Variants in SLC25A24 observed in about 807,000 individuals in gnomAD.
SLC25A24 encodes solute carrier family 25 member 24.
SLC25A24 carries 49 observed loss-of-function variants against 60.7 expected under a neutral mutation model. That is an observed-to-expected ratio of 0.81 (90% CI 0.64 to 1.02). The LOEUF is 1.02. Among genes scored for constraint, SLC25A24 ranks in the 50% least tolerant of loss-of-function variants. The pLI is 0.00. For missense variants in SLC25A24, 564 were observed against 586.3 expected, an observed-to-expected ratio of 0.96 and a Z score of 0.39; for synonymous variants, 202 against 200.6, an observed-to-expected ratio of 1.01 and a Z score of -0.06.
chr1:108,150,914 C>T (rs1156354829), intron 6 of SLC25A24, among the ~76,000 whole-genome samples: 18 of 151,916 alleles, frequency 1.2e-4, no homozygotes, highest in Admixed American at 1.1e-3. Context: ...AAAATCCTCC[C>T]TCCAGGCCAG....
intron 3 of SLC25A24, among the ~76,000 whole-genome samples, chr1:108,172,340 G>C (rs1326867979): frequency 6.6e-6 from 1 of 152,060 alleles, no homozygotes; most frequent in African/African-American, 2.4e-5. Context: ...TGTTTTAAAC[G>C]AACACCTGAG....
Position 108,135,825 on chromosome 1 carries a change from C to T in SLC25A24, c.*828G>A, listed in dbSNP as rs967942013. ...TCCCAAGAAGTCTTCCTGACTAAAA[C>T]GGAATCTGATTCAAAAGGTAGGAAA... On this transcript the variant is annotated 3_prime_UTR_variant, in exon 10 of 10. Transcript: ENST00000565488. 2 of 152,534 alleles carry T rather than the reference C, an allele frequency of 1.3e-5. No homozygotes were observed. Among genetic ancestry groups the T allele is most frequent in the Non-Finnish European group, 2.9e-5 (2 of 68,020 alleles). The allele number at this position is 152,534 out of a possible 1,614,324, so 9.4% of individuals were successfully genotyped here. A position where few individuals can be genotyped will look rare whatever the true frequency, so the allele number is the denominator to read the frequency against.
intron 9 of SLC25A24, among the ~76,000 whole-genome samples, chr1:108,138,310 TG>T (rs200224420): frequency 6.6e-6 from 1 of 152,186 alleles, no homozygotes; most frequent in East Asian, 1.9e-4. Flanking sequence ...CTGGGGTTGC[TG>T]TGGCTGGCAC....
intron 7 of SLC25A24, among the ~76,000 whole-genome samples, chr1:108,145,868 T>C (rs185566210): frequency 1.3e-5 from 2 of 152,312 alleles, no homozygotes; most frequent in East Asian, 1.9e-4. Flanking sequence ...TTGCTTAGGA[T>C]TGTCTTGGCT....
chr1:108,150,032 A>G (rs1325629986), intron 6 of SLC25A24, among the ~76,000 whole-genome samples: 1 of 152,194 alleles, frequency 6.6e-6, no homozygotes, highest in Non-Finnish European at 1.5e-5. Context: ...AGTGTTACAT[A>G]AAACTCCTCT....
rs1369577676 is a variant in SLC25A24 at position 108,161,261 on chromosome 1, C to T, written c.431G>A (p.Trp144Ter). The T allele has an allele frequency of 6.2e-7, 1 of 1,600,708 alleles. No homozygotes were observed. Among genetic ancestry groups the T allele is most frequent in the Admixed American group, 1.7e-5 (1 of 59,762 alleles). ...IDVDGTMTVD[W>*]NEWRDYFLFN... ...TAAGAAGTAGTCTCTCCATTCATTCCAGTCCACTGTCATTGTCCCATCAAC... is the reference window on the plus strand; with the variant it reads ...TAAGAAGTAGTCTCTCCATTCATTCTAGTCCACTGTCATTGTCCCATCAAC... Residue 144 changes from tryptophan to a stop codon, truncating the protein, a stop_gained, in exon 4 of 10, where the codon TGG becomes TAG. Coordinates refer to ENST00000565488, the MANE Select transcript of SLC25A24 (RefSeq NM_013386.5). LOFTEE classifies it high-confidence loss of function.
chr1:108,148,010 C>A (rs1571281216), intron 7 of SLC25A24, among the ~76,000 whole-genome samples: 1 of 152,082 alleles, frequency 6.6e-6, no homozygotes. Context: ...ATGTTTCCAG[C>A]CAATAGCCAG....
rs1326947898 is a variant in SLC25A24, at chr1:108,192,741, T to C, written c.184-6787A>G. On this transcript the variant is annotated intron_variant, in intron 1 of 9. Transcript: ENST00000565488. ...CAGTGGGAAGAGGCCTAAGACAGCA[T>C]CCTCCTCAGGGGCGCCAAACACAAT... 2.2e-6 allele frequency: 3 copies of C among 1,389,902 alleles called. 1 individual carries two copies. The highest frequency in any genetic ancestry group is 5.1e-5 in the Admixed American group (2 of 38,910). 86.1% of individuals were successfully genotyped at this position (1,389,902 alleles called of 1,614,324 possible).
rs140947719 is a variant in SLC25A24, at chr1:108,144,577, C to A, written c.931-867G>T. Among the ~76,000 whole-genome samples, 204 of 152,220 alleles carry A rather than the reference C, an allele frequency of 1.3e-3. 1 individual carries two copies. The highest frequency in any genetic ancestry group is 4.7e-3 in the African/African-American group (196 of 41,532). ...GTATTTCTTCTAATGCTATTCCTCC[C>A]CTAGCCCCTCATCCCCAAAAAGGCC... On this transcript the variant is annotated intron_variant, in intron 7 of 9. Transcript: ENST00000565488.
At chr1:108,154,746 A>C (rs1679847719) in intron 6 of SLC25A24, among the ~76,000 whole-genome samples, 1 of 152,118 alleles carries the variant, frequency 6.6e-6, no homozygotes, top group South Asian at 2.1e-4. Context: ...TTTAAGAACT[A>C]CTTAGAAAAA....
In SLC25A24 at chr1:108,134,058, T is replaced by G. The variant is rs1008659082; in HGVS notation, c.*2595A>C. 6.6e-6 allele frequency: 1 copy of G among 152,222 alleles called. No homozygotes were observed. Among genetic ancestry groups the G allele is most frequent in the African/African-American group, 2.4e-5 (1 of 41,468 alleles). The allele number at this position is 152,222 out of a possible 1,614,324, so 9.4% of individuals were successfully genotyped here. A position where few individuals can be genotyped will look rare whatever the true frequency, so the allele number is the denominator to read the frequency against. On this transcript the variant is annotated 3_prime_UTR_variant, in exon 10 of 10. Transcript: ENST00000565488. Reference sequence around the variant, plus strand: ...AAGTACAATCTCTGCTTGCATAAATTTATTCTCTTGACTGGGAGACAAGAC... The same window carrying G: ...AAGTACAATCTCTGCTTGCATAAATGTATTCTCTTGACTGGGAGACAAGAC...
Position 108,139,156 on chromosome 1 carries a change from C to A in SLC25A24, c.1151G>T (p.Gly384Val). The A allele has an allele frequency of 6.2e-7, 1 of 1,610,128 alleles. No individual in the cohort carries two copies. The highest frequency in any genetic ancestry group is 8.5e-7 in the Non-Finnish European group (1 of 1,178,248). ...DNFAKDSVNP[G>V]VMVLLGCGAL... Reference sequence around the variant, plus strand: ...ACCGCATCCCAGCAACACCATGACTCCAGGGTTTACAGAATCTTTTGCAAA... The same window carrying A: ...ACCGCATCCCAGCAACACCATGACTACAGGGTTTACAGAATCTTTTGCAAA... The change falls in exon 9 of 10, where the codon GGA (glycine) becomes GTA (valine). Residue 384 changes from glycine to valine, a missense_variant. Transcript: ENST00000565488.
Position 108,155,233 on chromosome 1 carries a change from G to A in SLC25A24, c.670-98C>T, listed in dbSNP as rs1040122805. 1.3e-5 allele frequency: 13 copies of A among 986,458 alleles called. No homozygotes were observed. The Admixed American group carries it at 2.5e-4, about 19-fold the overall frequency. The allele number at this position is 986,458 out of a possible 1,614,324, so 61.1% of individuals were successfully genotyped here. On this transcript the variant is annotated intron_variant, in intron 5 of 9. Transcript: ENST00000565488. ...ATCTTTTTCAATACCCTTTCTAACT[G>A]CAAGAAGATATATTTGAAAATAAAA...
intron 3 of SLC25A24, among the ~76,000 whole-genome samples, chr1:108,171,744 G>A (rs1404932031): frequency 6.6e-6 from 1 of 152,208 alleles, no homozygotes; most frequent in African/African-American, 2.4e-5. Flanking sequence ...AATATTCATT[G>A]AGCATTTGCC....
At chr1:108,161,127 A>G in intron 4 of SLC25A24, 55 bp downstream of exon 4, 1 of 973,968 alleles carries the variant, frequency 1.0e-6, no homozygotes, top group Admixed American at 1.9e-5. Context: ...TTGGGTGATA[A>G]CTGTACCTAT....
chr1:108,137,575 G>T (rs1213331945), intron 9 of SLC25A24, among the ~76,000 whole-genome samples: 1 of 152,186 alleles, frequency 6.6e-6, no homozygotes, highest in South Asian at 2.1e-4. Context: ...ACACCGAAAG[G>T]CTGCAAAGAT....
chr1:108,153,623 G>C (rs1459241203), intron 6 of SLC25A24, among the ~76,000 whole-genome samples: 1 of 152,134 alleles, frequency 6.6e-6, no homozygotes, highest in Non-Finnish European at 1.5e-5. Flanking sequence ...CAGCACCATA[G>C]GTCCAGAGCC....
At chr1:108,182,194 T>C (rs1408898338) in intron 2 of SLC25A24, among the ~76,000 whole-genome samples, 166 bp from the exon 3 acceptor site, 1 of 152,170 alleles carries the variant, frequency 6.6e-6, no homozygotes, top group Non-Finnish European at 1.5e-5. Flanking sequence ...CCAACATCAA[T>C]ACTAAAAATG....
chr1:108,200,232 G>A lies in SLC25A24; in HGVS notation c.-94C>T. On this transcript the variant is annotated 5_prime_UTR_variant, in exon 1 of 10. Transcript: ENST00000565488. ...GACCAGCGCGAGGCCGGGCTGGGCG[G>A]GGCGCGCGGCGCAACAGCGTTTGGG... is the stretch of plus-strand genomic sequence containing the variant. 2 of 1,274,294 alleles carry A rather than the reference G, an allele frequency of 1.6e-6. No homozygotes were observed. The highest frequency in any genetic ancestry group is 2.0e-6 in the Non-Finnish European group (2 of 980,080). 78.9% of individuals were successfully genotyped at this position (1,274,294 alleles called of 1,614,324 possible). A position where few individuals can be genotyped will look rare whatever the true frequency, so the allele number is the denominator to read the frequency against.
Sources: allele counts gnomAD v4.1 joint callset (sites outside exome capture counted in the v4.1 genomes callset), GRCh38; gene constraint gnomAD v4.1.1; transcripts MANE v1.5; gene names NCBI Gene and HGNC (gene_info 2026-07-23, HGNC 2026-07-21).